The following SNX30 variants were observed in gnomAD, a reference collection of about 807,000 sequenced individuals.
SNX30 encodes sorting nexin-30.
SNX30 carries 24 observed loss-of-function variants against 46.4 expected under a neutral mutation model. The observed-to-expected ratio is 0.52, with a 90% CI of 0.37 to 0.73. The LOEUF (loss-of-function observed/expected upper bound fraction) is 0.73. Ranked by LOEUF, SNX30 falls within the 30% of genes least tolerant of loss-of-function variation. The pLI is 0.00. For missense variants in SNX30, 533 were observed against 555.7 expected (o/e 0.96, Z 0.41); for synonymous variants, 189 against 211.5 (o/e 0.89, Z 0.92).
chr9:112,822,724 A>C (rs574826598), intron 3 of SNX30, among the ~76,000 whole-genome samples: 42 of 152,262 alleles, frequency 2.8e-4, no homozygotes, highest in Non-Finnish European at 5.4e-4. Flanking sequence ...TGACATGGAA[A>C]ATTCCAAAAA....
chr9:112,777,696 C>T (rs934251068), intron 1 of SNX30, among the ~76,000 whole-genome samples: 6 of 143,256 alleles, frequency 4.2e-5, no homozygotes, highest in Non-Finnish European at 9.0e-5. Flanking sequence ...GATCCTCCCG[C>T]CTCAACCTCC....
At chr9:112,760,307 G>T (rs568171949) in intron 1 of SNX30, among the ~76,000 whole-genome samples, 1 of 152,292 alleles carries the variant, frequency 6.6e-6, no homozygotes. Flanking sequence ...TGGAGGGGAG[G>T]CAGCCGCTGC....
intron 1 of SNX30, among the ~76,000 whole-genome samples, chr9:112,769,027 A>G (rs1839600581): frequency 6.6e-6 from 1 of 152,206 alleles, no homozygotes; most frequent in African/African-American, 2.4e-5. Flanking sequence ...GTTCACTATC[A>G]GACAAGCATG....
intron 7 of SNX30, among the ~76,000 whole-genome samples, chr9:112,862,024 A>C (rs1841246454): frequency 6.6e-6 from 1 of 152,154 alleles, no homozygotes; most frequent in African/African-American, 2.4e-5. Context: ...GTCTGTTGAG[A>C]CCCAAGCACT....
chr9:112,770,458 A>C (rs111895643), intron 1 of SNX30, among the ~76,000 whole-genome samples: 28 of 151,934 alleles, frequency 1.8e-4, no homozygotes, highest in African/African-American at 6.7e-4. Context: ...GGTATGAGCC[A>C]CCGCGCCTGG....
At chr9:112,882,349 C>T (rs1841590357), downstream of SNX30, among the ~76,000 whole-genome samples, 2 of 152,164 alleles carry the variant, frequency 1.3e-5, no homozygotes, top group Non-Finnish European at 2.9e-5. Flanking sequence ...TCAAGCAATT[C>T]CCCCACCTCA....
chr9:112,864,113 C>T, intron 7 of SNX30, 134 bp from the exon 8 acceptor site: 1 of 944,318 alleles, frequency 1.1e-6, no homozygotes, highest in Non-Finnish European at 1.6e-6. Context: ...AAATAAATGC[C>T]TCCAGAGGAG....
intron 4 of SNX30, among the ~76,000 whole-genome samples, chr9:112,834,941 G>A (rs181442423): frequency 5.1e-4 from 76 of 148,846 alleles, no homozygotes; most frequent in East Asian, 4.5e-3. Flanking sequence ...AGAAGGAAGC[G>A]AAGAAGGAAG....
At chr9:112,787,669 A>G (rs1839952277) in intron 1 of SNX30, among the ~76,000 whole-genome samples, 1 of 151,758 alleles carries the variant, frequency 6.6e-6, no homozygotes, top group African/African-American at 2.4e-5. Context: ...CCCAAAGAAG[A>G]TTGGCATTTG....
intron 3 of SNX30, among the ~76,000 whole-genome samples, chr9:112,818,459 A>G (rs1840440365): frequency 6.6e-6 from 1 of 152,114 alleles, no homozygotes; most frequent in African/African-American, 2.4e-5. Context: ...CGAACTCCTG[A>G]TCTCAGGTGA....
chr9:112,816,234 G>T (rs572043305), intron 2 of SNX30, among the ~76,000 whole-genome samples: 2 of 152,318 alleles, frequency 1.3e-5, no homozygotes, highest in African/African-American at 2.4e-5. Flanking sequence ...CTGCATAGGC[G>T]CAGAGTCCTT....
At chr9:112,814,305 G>A (rs1192225447) in intron 2 of SNX30, among the ~76,000 whole-genome samples, 1 of 152,140 alleles carries the variant, frequency 6.6e-6, no homozygotes, top group East Asian at 1.9e-4. Context: ...CAGTGGTGCA[G>A]TCTTGGCTAG....
intron 7 of SNX30, among the ~76,000 whole-genome samples, chr9:112,852,207 A>G (rs1416757896): frequency 6.6e-6 from 1 of 151,930 alleles, no homozygotes; most frequent in African/African-American, 2.4e-5. Flanking sequence ...TGCGCCTGTG[A>G]ATGGCCACTG....
At chr9:112,838,399 T>G in intron 5 of SNX30, 99 bp from the exon 6 acceptor site, 2 of 959,356 alleles carry the variant, frequency 2.1e-6, no homozygotes, top group Non-Finnish European at 1.6e-6. Context: ...AAGAAACACA[T>G]GTTCATGTAG....
intron 3 of SNX30, among the ~76,000 whole-genome samples, chr9:112,819,731 T>C (rs1452289803): frequency 6.6e-6 from 1 of 152,244 alleles, no homozygotes; most frequent in African/African-American, 2.4e-5. Flanking sequence ...TGTAGACTTG[T>C]CCCTCAGTTG....
Position 112,832,060 on chromosome 9 carries a change from C to T in SNX30, c.618+1177C>T, listed in dbSNP as rs182163757. Among the ~76,000 whole-genome samples the T allele has an allele frequency of 3.3e-5, 5 of 152,234 alleles. No individual in the cohort carries two copies. In the East Asian group the frequency reaches 5.8e-4, roughly 18 times the overall value. Reference sequence around the variant, plus strand: ...ACATTAAAGACTTCGGAGAGTGTGCCGTTCTTCACTCAGTGGAAGCCGCAT... The same window carrying T: ...ACATTAAAGACTTCGGAGAGTGTGCTGTTCTTCACTCAGTGGAAGCCGCAT... On this transcript the variant is annotated intron_variant, in intron 4 of 8. Coordinates refer to ENST00000374232, the MANE Select transcript of SNX30 (RefSeq NM_001012994.2).
At position 112,837,311 on chromosome 9, in the gene SNX30, C is replaced by T. The variant is rs535182837; in HGVS notation, c.814+902C>T. Among the ~76,000 whole-genome samples, 26 of 152,152 alleles carry T rather than the reference C, an allele frequency of 1.7e-4. 1 individual carries two copies. The highest frequency in any genetic ancestry group is 1.3e-4 in the Non-Finnish European group (9 of 68,012). Reference sequence around the variant, plus strand: ...TGGAGATAGCTGTGGATACCATCCACACCTAAGGATCTTGCAGAGTAAATT... The same window carrying T: ...TGGAGATAGCTGTGGATACCATCCATACCTAAGGATCTTGCAGAGTAAATT... On this transcript the variant is annotated intron_variant, in intron 5 of 8. Coordinates refer to ENST00000374232, the MANE Select transcript of SNX30 (RefSeq NM_001012994.2).
At chr9:112,831,791 C>G (rs1195821582) in intron 4 of SNX30, among the ~76,000 whole-genome samples, 1 of 152,172 alleles carries the variant, frequency 6.6e-6, no homozygotes, top group Non-Finnish European at 1.5e-5. Context: ...TCTGCACTTC[C>G]CTGTTGGCAG....
At chr9:112,850,735 A>G in intron 6 of SNX30, 124 bp from the exon 7 acceptor site, 1 of 648,614 alleles carries the variant, frequency 1.5e-6, no homozygotes, top group Non-Finnish European at 2.8e-6. Flanking sequence ...TCCTAGGAGC[A>G]CATGGCTGGG....
Sources: gnomAD v4.1 joint callset for allele counts (sites outside exome capture counted in the v4.1 genomes callset) on GRCh38, gnomAD v4.1.1 for gene constraint, MANE v1.5 for transcripts, NCBI Gene and HGNC (gene_info 2026-07-23, HGNC 2026-07-21) for gene names.